KCNG1: variants seen among roughly 807,000 people sequenced by gnomAD.
KCNG1 encodes the protein potassium voltage-gated channel modifier subfamily G member 1.
KCNG1 carries 17 observed loss-of-function variants against 32.4 expected under a neutral mutation model. The ratio of observed to expected loss-of-function variants is 0.52; its 90% CI spans 0.36 to 0.79. KCNG1 has a LOEUF of 0.79. Among genes scored for constraint, KCNG1 ranks in the 30% least tolerant of loss-of-function variants. The pLI is 0.00. For synonymous variants in KCNG1, 358 were observed against 339.9 expected (o/e 1.05, Z -0.59); for missense variants, 441 against 735.2 (o/e 0.60, Z 4.63).
Position 51,003,995 on chromosome 20 carries a change from C to T in KCNG1, c.*44G>A, listed in dbSNP as rs1306826694. On this transcript the variant is annotated 3_prime_UTR_variant, in exon 3 of 3. Coordinates refer to ENST00000371571, the MANE Select transcript of KCNG1 (RefSeq NM_002237.4). ...AGGCGTCTGCAGTGGATGGCAATGG[C>T]TTCGGGCCACAGATGGCAGGCAGGG... is the stretch of plus-strand genomic sequence containing the variant. 1.3e-6 allele frequency: 2 copies of T among 1,586,592 alleles called. No homozygotes were observed. The highest frequency in any genetic ancestry group is 1.7e-6 in the Non-Finnish European group (2 of 1,165,224).
At chr20:51,006,063 G>GT (rs11451776) in intron 2 of KCNG1, 3,498 of 152,198 alleles carry the variant, frequency 0.023, 125 homozygotes, top group African/African-American at 0.075. Flanking sequence ...GGTGATGGGG[G>GT]GGGTGGGTGG....
chr20:51,017,305 A>G (rs1260402347), intron 1 of KCNG1, among the ~76,000 whole-genome samples: 4 of 152,228 alleles, frequency 2.6e-5, no homozygotes, highest in African/African-American at 9.7e-5. Context: ...CGAGTGGAAA[A>G]AGAAACAGAA....
Position 51,003,954 on chromosome 20 carries a change from C to T in KCNG1, c.*85G>A, listed in dbSNP as rs1335341425. The T allele has an allele frequency of 1.3e-5, 19 of 1,466,284 alleles. No individual in the cohort carries two copies. The highest frequency in any genetic ancestry group is 2.3e-5 in the East Asian group (1 of 43,550). 90.8% of individuals were successfully genotyped at this position (1,466,284 alleles called of 1,614,324 possible). A position where few individuals can be genotyped will look rare whatever the true frequency, so the allele number is the denominator to read the frequency against. The stretch of plus-strand genomic sequence containing the variant: ...GCTGCGCCAGGACTGCACTCGGAAG[C>T]GGCCTGTCCCTCTCCAGGCGTCTGC... On this transcript the variant is annotated 3_prime_UTR_variant, in exon 3 of 3. Transcript: ENST00000371571.
intron 1 of KCNG1, among the ~76,000 whole-genome samples, chr20:51,012,722 A>T (rs189194871): frequency 6.6e-6 from 1 of 152,208 alleles, no homozygotes; most frequent in Non-Finnish European, 1.5e-5. Flanking sequence ...TTCATGTAAA[A>T]ATCCATATCC....
chr20:51,004,030 C>T lies in KCNG1; in HGVS notation c.*9G>A, dbSNP rs776244568. On this transcript the variant is annotated 3_prime_UTR_variant, in exon 3 of 3. Transcript: ENST00000371571. The surrounding 1 kb of genome is among the most constrained non-coding windows in gnomAD (Gnocchi z 4.3). ...CAGATGGCAGGCAGGGCAGGCGTGT[C>T]CTCCGCGCTCAGTTATTGTCTCTGG... 28 of 1,611,086 alleles carry T rather than the reference C, an allele frequency of 1.7e-5. No individual in the cohort carries two copies. The highest frequency in any genetic ancestry group is 2.3e-5 in the Non-Finnish European group (27 of 1,178,188).
rs969214926 is a variant in KCNG1 at position 51,004,907 on chromosome 20, G to A, written c.775-101C>T. 6 of 1,281,094 alleles carry A rather than the reference G, an allele frequency of 4.7e-6. No individual in the cohort carries two copies. In the African/African-American group the frequency reaches 6.0e-5, roughly 13 times the overall value. The allele number at this position is 1,281,094 out of a possible 1,614,324, so 79.4% of individuals were successfully genotyped here. ...CCCTGCTGGGCTTCCCAGGCGGAAG[G>A]TGACCTCTCCAGGTTGAGTGGCCCC... is the stretch of plus-strand genomic sequence containing the variant. On this transcript the variant is annotated intron_variant, in intron 2 of 2. Coordinates refer to ENST00000371571, the MANE Select transcript of KCNG1 (RefSeq NM_002237.4). This position sits in a 1 kb window ranked among gnomAD's most constrained non-coding sequence, Gnocchi z 4.3.
intron 2 of KCNG1, chr20:51,006,502 C>A (rs76035711): frequency 1.3e-5 from 2 of 152,150 alleles, no homozygotes; most frequent in Non-Finnish European, 2.9e-5. Context: ...ATTCACTATG[C>A]ATCGCTTCTA....
chr20:51,018,533 C>T (rs146986213), intron 1 of KCNG1, among the ~76,000 whole-genome samples: 63 of 152,282 alleles, frequency 4.1e-4, no homozygotes, highest in African/African-American at 1.4e-3. Context: ...TTATGCTCTC[C>T]GTCCCTCTTC....
At chr20:51,017,448 C>T (rs766938998) in intron 1 of KCNG1, among the ~76,000 whole-genome samples, 10 of 152,092 alleles carry the variant, frequency 6.6e-5, no homozygotes, top group Non-Finnish European at 1.0e-4. Context: ...GGAAGAAGCG[C>T]GGGGATTGGA....
In KCNG1 at chr20:51,015,399, G is replaced by C. The variant is rs768667730; in HGVS notation, c.-26-5035C>G. Among the ~76,000 whole-genome samples, 65 of 152,284 alleles carry C rather than the reference G, an allele frequency of 4.3e-4. No homozygotes were observed. The highest frequency in any genetic ancestry group is 6.5e-4 in the Admixed American group (10 of 15,302). On this transcript the variant is annotated intron_variant, in intron 1 of 2. Transcript: ENST00000371571. The surrounding 1 kb of genome is among the most constrained non-coding windows in gnomAD (Gnocchi z 4.4). ...GCAGCTGGCAAAATCCAGGAGAGAG[G>C]GGGGAGATGGGTGTCTCCCAAGGAC...
rs1383482949 is a variant in KCNG1, at chr20:51,005,639, T to G, written c.775-833A>C. 1 of 152,246 alleles carries G rather than the reference T, an allele frequency of 6.6e-6. No individual in the cohort carries two copies. Among genetic ancestry groups the G allele is most frequent in the African/African-American group, 2.4e-5 (1 of 41,460 alleles). The allele number at this position is 152,246 out of a possible 1,614,324, so 9.4% of individuals were successfully genotyped here. On this transcript the variant is annotated intron_variant, in intron 2 of 2. Coordinates refer to ENST00000371571, the MANE Select transcript of KCNG1 (RefSeq NM_002237.4). The surrounding 1 kb of genome is among the most constrained non-coding windows in gnomAD (Gnocchi z 4.0). ...GTGATAATTCAGTGCAAAGAAATAC[T>G]CTATGGGCCACTAAAACACATATTT... is the stretch of plus-strand genomic sequence containing the variant.
At position 51,003,852 on chromosome 20, in the gene KCNG1, C is replaced by A. The variant is rs1340908046; in HGVS notation, c.*187G>T. 1.6e-6 allele frequency: 1 copy of A among 630,726 alleles called. No homozygotes were observed. The highest frequency in any genetic ancestry group is 2.7e-6 in the Non-Finnish European group (1 of 373,264). The allele number at this position is 630,726 out of a possible 1,614,324, so 39.1% of individuals were successfully genotyped here. On this transcript the variant is annotated 3_prime_UTR_variant, in exon 3 of 3. Transcript: ENST00000371571. ...CACGGCTGCAGGCGGAGGGGCAGGGCCCCTCTGCTGATGTTCTAGTGTTCT... is the reference window on the plus strand; with the variant it reads ...CACGGCTGCAGGCGGAGGGGCAGGGACCCTCTGCTGATGTTCTAGTGTTCT...
chr20:51,008,187 G>C (rs1987910320), intron 2 of KCNG1: 1 of 152,106 alleles, frequency 6.6e-6, no homozygotes, highest in South Asian at 2.1e-4. Context: ...CCAACTCAAA[G>C]GCCCATGATC....
chr20:51,017,352 C>A (rs556077559), intron 1 of KCNG1, among the ~76,000 whole-genome samples: 1 of 152,326 alleles, frequency 6.6e-6, no homozygotes, highest in East Asian at 1.9e-4. Flanking sequence ...AATGAACACA[C>A]ACACATTACA....
chr20:51,022,566 G>A (rs1358585429), intron 1 of KCNG1: 1 of 152,190 alleles, frequency 6.6e-6, no homozygotes, highest in African/African-American at 2.4e-5. Flanking sequence ...CAGCCGGGAT[G>A]CGCCCCCGCC....
intron 1 of KCNG1, among the ~76,000 whole-genome samples, chr20:51,013,129 CCATCT>C (rs1224433571): frequency 6.6e-6 from 1 of 151,966 alleles, no homozygotes; most frequent in East Asian, 1.9e-4. Context: ...AGATGAAACC[CCATCT>C]CTACTAAAAA....
rs766155892 is a variant in KCNG1, at chr20:51,010,297, G to T, written c.42C>A (p.Ser14Arg). ...AGGCGTCCGAGGTGCAGCTCAGCGC[G>T]CTGTAGTCGTAGTCAGAATTGTCTC... is the stretch of plus-strand genomic sequence containing the variant. ...LPGDNSDYDY[S>R]ALSCTSDASF... The change falls in exon 2 of 3, where the codon AGC becomes AGA. Residue 14 changes from serine to arginine, a missense_variant. Transcript: ENST00000371571. 1.3e-6 allele frequency: 2 copies of T among 1,512,120 alleles called. No homozygotes were observed. Among genetic ancestry groups the T allele is most frequent in the Non-Finnish European group, 1.8e-6 (2 of 1,140,174 alleles). 93.7% of individuals were successfully genotyped at this position (1,512,120 alleles called of 1,614,324 possible).
chr20:51,013,038 TC>T (rs1988151768), intron 1 of KCNG1, among the ~76,000 whole-genome samples: 1 of 150,924 alleles, frequency 6.6e-6, no homozygotes, highest in Non-Finnish European at 1.5e-5. Flanking sequence ...GTGCGGTGGC[TC>T]AGGCCTGTAA....
rs533721474 is a variant in KCNG1, at chr20:51,010,367, G to A, written c.-26-3C>T. On this transcript the variant is annotated splice_region_variant and splice_polypyrimidine_tract_variant and intron_variant, in intron 1 of 2. Transcript: ENST00000371571. ...GGGCCTTCACATCCCTCTCGGGCCT[G>A]TGGGGAGAAGGGAGGGAAGACCCTC... is the stretch of plus-strand genomic sequence containing the variant. 3 of 1,497,078 alleles carry A rather than the reference G, an allele frequency of 2.0e-6. No individual in the cohort carries two copies. The highest frequency in any genetic ancestry group is 2.8e-5 in the African/African-American group (2 of 71,634). The allele number at this position is 1,497,078 out of a possible 1,614,324, so 92.7% of individuals were successfully genotyped here. A position where few individuals can be genotyped will look rare whatever the true frequency, so the allele number is the denominator to read the frequency against.
Sources: gnomAD v4.1 joint callset for allele counts (sites outside exome capture counted in the v4.1 genomes callset) on GRCh38, gnomAD v4.1.1 for gene constraint, Gnocchi (gnomAD v3.1) non-coding constraint, MANE v1.5 for transcripts, NCBI Gene and HGNC (gene_info 2026-07-23, HGNC 2026-07-21) for gene names.